MGST1: variants seen among roughly 807,000 people sequenced by gnomAD.
MGST1 encodes the protein glutathione S-transferase 12.
MGST1 carries 5 observed loss-of-function variants against 8.9 expected under a neutral mutation model. The ratio of observed to expected loss-of-function variants is 0.56; its 90% CI spans 0.29 to 1.19. MGST1 has a LOEUF of 1.19. Ranked by LOEUF, MGST1 falls within the 50% of genes most tolerant of loss-of-function variation. The probability of loss-of-function intolerance (pLI) is 0.08; values close to 1 mark genes in which losing one functional copy is unlikely to be tolerated. For synonymous variants in MGST1, 54 were observed against 67.8 expected (o/e 0.80, Z 1.00); for missense variants, 182 against 187.4 (o/e 0.97, Z 0.17).
intron 4 of MGST1, among the ~76,000 whole-genome samples, chr12:16,523,077 AAAAGT>A (rs1188302949): frequency 1.3e-5 from 2 of 152,078 alleles, no homozygotes; most frequent in East Asian, 3.9e-4. Flanking sequence ...AAAACAAAAT[AAAAGT>A]AAAGATATTG....
chr12:16,532,134 C>T (rs1325763641), intron 4 of MGST1, among the ~76,000 whole-genome samples: 1 of 152,128 alleles, frequency 6.6e-6, no homozygotes, highest in Non-Finnish European at 1.5e-5. Context: ...TGCAAAATCA[C>T]AGGAACTTCT....
At chr12:16,571,949 G>T (rs1170858079) in intron 4 of MGST1, among the ~76,000 whole-genome samples, 1 of 151,764 alleles carries the variant, frequency 6.6e-6, no homozygotes, top group Non-Finnish European at 1.5e-5. Context: ...ATCCTTAAAA[G>T]GATTTTTGCA....
intron 4 of MGST1, among the ~76,000 whole-genome samples, chr12:16,490,124 A>G (rs1446963601): frequency 6.6e-6 from 1 of 152,060 alleles, no homozygotes; most frequent in Non-Finnish European, 1.5e-5. Context: ...GTAGCTGGGC[A>G]TGATAGCATG....
intron 1 of MGST1, among the ~76,000 whole-genome samples, chr12:16,433,635 A>G (rs1019022756): frequency 6.6e-6 from 1 of 152,098 alleles, no homozygotes; most frequent in African/African-American, 2.4e-5. Flanking sequence ...TTACTCAGTC[A>G]ATACACTTAA....
chr12:16,406,646 G>A (rs1940699813), intron 1 of MGST1, among the ~76,000 whole-genome samples: 1 of 152,124 alleles, frequency 6.6e-6, no homozygotes, highest in African/African-American at 2.4e-5. Flanking sequence ...CATACTACTG[G>A]ACTTCAAACT....
intron 4 of MGST1, among the ~76,000 whole-genome samples, chr12:16,489,219 T>A (rs1941421168): frequency 6.6e-6 from 1 of 152,226 alleles, no homozygotes; most frequent in South Asian, 2.1e-4. Context: ...TGGGCCATTA[T>A]AAATAAATGA....
intron 1 of MGST1, among the ~76,000 whole-genome samples, chr12:16,436,351 A>G (rs1194761923): frequency 2.0e-5 from 3 of 151,962 alleles, no homozygotes; most frequent in Admixed American, 6.6e-5. Context: ...GATGTGCCTC[A>G]TTCAGAAGAG....
chr12:16,378,314 A>G (rs1459263288), downstream of MGST1, among the ~76,000 whole-genome samples: 14 of 151,734 alleles, frequency 9.2e-5, no homozygotes, highest in South Asian at 1.9e-3. Flanking sequence ...ATCTTGAATT[A>G]ATTTTTGTAT....
chr12:16,559,242 C>T lies in MGST1; in HGVS notation n.483-30286C>T, dbSNP rs987636386. On this transcript the variant is annotated intron_variant and non_coding_transcript_variant, in intron 4 of 4. Coordinates refer to the MGST1 transcript ENST00000538857. The surrounding 1 kb of genome is among the most constrained non-coding windows in gnomAD (Gnocchi z 4.1). Reference sequence around the variant, plus strand: ...TTTTTGAAATGTTGTATTTTTAATACGTACATTTTAATGTTCTAAAATCCT... The same window carrying T: ...TTTTTGAAATGTTGTATTTTTAATATGTACATTTTAATGTTCTAAAATCCT... 3.9e-5 allele frequency among the ~76,000 whole-genome samples: 6 copies of T among 152,074 alleles called. No individual in the cohort carries two copies. Among genetic ancestry groups the T allele is most frequent in the African/African-American group, 7.2e-5 (3 of 41,426 alleles).
At chr12:16,562,495 G>T (rs905919996) in intron 4 of MGST1, among the ~76,000 whole-genome samples, 2 of 151,992 alleles carry the variant, frequency 1.3e-5, no homozygotes, top group African/African-American at 2.4e-5. Flanking sequence ...AATTGCTCTC[G>T]CTAGCTGAGC....
chr12:16,529,148 A>G (rs757754343), intron 4 of MGST1, among the ~76,000 whole-genome samples: 1 of 151,884 alleles, frequency 6.6e-6, no homozygotes, highest in Non-Finnish European at 1.5e-5. Flanking sequence ...TATATAAACA[A>G]TTCCTTTCTT....
chr12:16,400,833 T>C lies in MGST1; in HGVS notation n.778+17229T>C. ...ATTACAGTCTCATATTTCTTATCGA[T>C]GTAGATCTTCATTTCCCCAATATGT... On this transcript the variant is annotated intron_variant and non_coding_transcript_variant, in intron 1 of 1. Coordinates refer to the MGST1 transcript ENST00000359720. 18 of 1,221,986 alleles carry C rather than the reference T, an allele frequency of 1.5e-5. No individual in the cohort carries two copies. The South Asian group carries it at 1.9e-4, about 13-fold the overall frequency. 75.7% of individuals were successfully genotyped at this position (1,221,986 alleles called of 1,614,324 possible). A position where few individuals can be genotyped will look rare whatever the true frequency, so the allele number is the denominator to read the frequency against.
chr12:16,376,141 A>AT lies in MGST1; in HGVS notation c.244dup (p.Tyr82LeufsTer13). On this transcript the variant is annotated frameshift_variant, in exon 4 of 4. Coordinates refer to the MGST1 transcript ENST00000535309. LOFTEE classifies it high-confidence loss of function. ...GTTTAGAATCAAACAAACCCTGAGC[A>AT]TTTATCTTGCCTCTTCTATATAAAG... 1 of 1,300,492 alleles carries AT rather than the reference A, an allele frequency of 7.7e-7. No individual in the cohort carries two copies. The highest frequency in any genetic ancestry group is 2.6e-5 in the East Asian group (1 of 39,188). 80.6% of individuals were successfully genotyped at this position (1,300,492 alleles called of 1,614,324 possible). A position where few individuals can be genotyped will look rare whatever the true frequency, so the allele number is the denominator to read the frequency against.
intron 4 of MGST1, among the ~76,000 whole-genome samples, chr12:16,504,822 T>G (rs1486648103): frequency 6.6e-6 from 1 of 152,224 alleles, no homozygotes; most frequent in Non-Finnish European, 1.5e-5. Flanking sequence ...TGCTTAAAAT[T>G]TAACCTTTCA....
rs1042669 is a variant in MGST1, at chr12:16,364,098, T to G, written c.*57T>G. On this transcript the variant is annotated 3_prime_UTR_variant, in exon 4 of 4. Transcript: ENST00000396210. This position sits in a 1 kb window ranked among gnomAD's most constrained non-coding sequence, Gnocchi z 5.7. ...TTTTTAAGAATTCTGTACTTCCAAT[T>G]TATAATGAATACTTTCTTAGATTTT... 64,551 of 1,521,860 alleles carry G rather than the reference T, an allele frequency of 0.042. 5,158 individuals carry two copies. Among genetic ancestry groups the G allele is most frequent in the East Asian group, 0.27 (11,825 of 44,142 alleles). 94.3% of individuals were successfully genotyped at this position (1,521,860 alleles called of 1,614,324 possible). A position where few individuals can be genotyped will look rare whatever the true frequency, so the allele number is the denominator to read the frequency against.
At chr12:16,427,895 A>G (rs1372949743) in intron 1 of MGST1, among the ~76,000 whole-genome samples, 1 of 151,940 alleles carries the variant, frequency 6.6e-6, no homozygotes, top group Non-Finnish European at 1.5e-5. Context: ...GTTCTTGAAT[A>G]TTTTAATTTA....
intron 3 of MGST1, among the ~76,000 whole-genome samples, chr12:16,371,956 G>T (rs1266759829): frequency 6.6e-6 from 1 of 152,018 alleles, no homozygotes; most frequent in Non-Finnish European, 1.5e-5. Flanking sequence ...TTCAATAAAT[G>T]CTACTGGGAA....
intron 4 of MGST1, among the ~76,000 whole-genome samples, chr12:16,460,505 G>C (rs980689761): frequency 2.0e-5 from 3 of 151,488 alleles, no homozygotes; most frequent in Non-Finnish European, 4.4e-5. Flanking sequence ...CCTTCGAATG[G>C]TCTCTGTTCT....
At chr12:16,395,983 T>G (rs1940602363) in intron 1 of MGST1, among the ~76,000 whole-genome samples, 1 of 152,034 alleles carries the variant, frequency 6.6e-6, no homozygotes, top group Non-Finnish European at 1.5e-5. Flanking sequence ...GTGGAACTGC[T>G]AGATCAAATG....
Sources: allele counts gnomAD v4.1 joint callset (sites outside exome capture counted in the v4.1 genomes callset), GRCh38; gene constraint gnomAD v4.1.1; non-coding constraint Gnocchi (gnomAD v3.1); transcripts MANE v1.5; gene names NCBI Gene and HGNC (gene_info 2026-07-23, HGNC 2026-07-21).